MCC: variants seen among roughly 807,000 people sequenced by gnomAD.
MCC encodes the protein MCC regulator of Wnt signaling pathway.
In MCC, 90 loss-of-function variants were observed where a neutral mutation model predicts 116.2. The observed-to-expected ratio is 0.77, with a 90% CI of 0.65 to 0.92. MCC has a LOEUF of 0.92. Ranked by LOEUF, MCC falls within the 40% of genes least tolerant of loss-of-function variation. The pLI is 0.00. For synonymous variants in MCC, 578 were observed against 510.5 expected (o/e 1.13, Z -1.78); for missense variants, 1,516 against 1,312.2 (o/e 1.16, Z -2.40).
At chr5:113,426,989 T>C (rs1241837691) in intron 1 of MCC, among the ~76,000 whole-genome samples, 1 of 152,192 alleles carries the variant, frequency 6.6e-6, no homozygotes, top group Admixed American at 6.5e-5. Context: ...TCTGGAGAAC[T>C]CAAGGTATAT....
intron 1 of MCC, among the ~76,000 whole-genome samples, chr5:113,475,055 C>T (rs1772201988): frequency 6.6e-6 from 1 of 152,134 alleles, no homozygotes; most frequent in Non-Finnish European, 1.5e-5. Context: ...AAAATGCTTC[C>T]CTTCACCCCA....
chr5:113,212,066 G>T (rs1257181897), intron 3 of MCC, among the ~76,000 whole-genome samples: 1 of 152,144 alleles, frequency 6.6e-6, no homozygotes, highest in African/African-American at 2.4e-5. Flanking sequence ...TTATGTATTT[G>T]CAGCTTAGTC....
chr5:113,339,408 A>AGTGTGTGTGTGTGT lies in MCC; in HGVS notation c.627+1097_627+1110dup, dbSNP rs60886614. 1.9e-3 allele frequency among the ~76,000 whole-genome samples: 237 copies of AGTGTGTGTGTGTGT among 123,658 alleles called. 2 individuals carry two copies. The highest frequency in any genetic ancestry group is 6.5e-3 in the African/African-American group (206 of 31,546). 81.1% of individuals were successfully genotyped at this position (123,658 alleles called of 152,430 possible). ...GTCCATATTTTATCTAGGCTTCCTT[A>AGTGTGTGTGTGTGT]GTGTGTGTGTGTGTGTGTGTGTGTG... On this transcript the variant is annotated intron_variant, in intron 3 of 18. Coordinates refer to ENST00000408903, the MANE Select transcript of MCC (RefSeq NM_001085377.2).
chr5:113,414,211 G>C (rs1481422979), intron 1 of MCC, among the ~76,000 whole-genome samples: 1 of 152,184 alleles, frequency 6.6e-6, no homozygotes. Context: ...TTTGGAATAA[G>C]TGCGATTTGG....
At chr5:113,372,941 G>A (rs534045959) in intron 2 of MCC, among the ~76,000 whole-genome samples, 1 of 152,252 alleles carries the variant, frequency 6.6e-6, no homozygotes, top group South Asian at 2.1e-4. Flanking sequence ...CACTTTGGGA[G>A]GCCGAGGCGG....
At chr5:113,251,521 C>A (rs767858409) in intron 3 of MCC, among the ~76,000 whole-genome samples, 3 of 152,148 alleles carry the variant, frequency 2.0e-5, no homozygotes, top group Non-Finnish European at 4.4e-5. Context: ...AGGAGGGCAG[C>A]AGTAAGTTCA....
chr5:113,216,767 CG>C (rs1459475607), intron 3 of MCC, among the ~76,000 whole-genome samples: 1 of 152,172 alleles, frequency 6.6e-6, no homozygotes, highest in African/African-American at 2.4e-5. Context: ...GTAGAAACCC[CG>C]AATAGGGGAT....
intron 8 of MCC, among the ~76,000 whole-genome samples, chr5:113,093,868 G>A (rs1048421452): frequency 2.6e-5 from 4 of 152,160 alleles, no homozygotes; most frequent in Admixed American, 2.6e-4. Context: ...CTGATGATAC[G>A]TAGCAGTACT....
At chr5:113,123,537 T>C (rs916373460) in intron 5 of MCC, among the ~76,000 whole-genome samples, 1 of 152,218 alleles carries the variant, frequency 6.6e-6, no homozygotes, top group African/African-American at 2.4e-5. Flanking sequence ...GTGTTTTATT[T>C]GTATACACAC....
chr5:113,237,509 C>A (rs1304505048), intron 3 of MCC, among the ~76,000 whole-genome samples: 1 of 152,098 alleles, frequency 6.6e-6, no homozygotes, highest in Non-Finnish European at 1.5e-5. Context: ...ATTGGTGCCT[C>A]TGGGATTAGA....
chr5:113,318,501 T>TA (rs1767343219), intron 3 of MCC, among the ~76,000 whole-genome samples: 1 of 152,170 alleles, frequency 6.6e-6, no homozygotes. Flanking sequence ...TATGTAGCCA[T>TA]AAAAAAGAAT....
intron 11 of MCC, 81 bp downstream of exon 11, chr5:113,082,779 T>A: frequency 6.5e-7 from 1 of 1,548,166 alleles, no homozygotes; most frequent in South Asian, 1.2e-5. Flanking sequence ...ATAAGCCACC[T>A]TGAACAGATC....
chr5:113,207,335 T>A (rs1762953408), intron 3 of MCC, among the ~76,000 whole-genome samples: 1 of 152,038 alleles, frequency 6.6e-6, no homozygotes, highest in African/African-American at 2.4e-5. Context: ...CAGAGTCTGG[T>A]TCATGGTAAG....
intron 3 of MCC, among the ~76,000 whole-genome samples, chr5:113,163,414 G>A (rs1477127315): frequency 6.6e-6 from 1 of 152,168 alleles, no homozygotes; most frequent in Non-Finnish European, 1.5e-5. Flanking sequence ...CCACATGTAT[G>A]ACTCATTTCC....
At chr5:113,246,779 C>G (rs1022768929) in intron 3 of MCC, among the ~76,000 whole-genome samples, 1 of 152,218 alleles carries the variant, frequency 6.6e-6, no homozygotes, top group African/African-American at 2.4e-5. Context: ...GCACTCTACT[C>G]TCCTTGTTTA....
rs115648651 is a variant in MCC, at chr5:113,165,517, G to C, written c.628-14095C>G. ...GTAGTGGCATTACTCGCTGCAGATGGGATAGCTAAGGACAATGCAAGGTCT... is the reference window on the plus strand; with the variant it reads ...GTAGTGGCATTACTCGCTGCAGATGCGATAGCTAAGGACAATGCAAGGTCT... On this transcript the variant is annotated intron_variant, in intron 3 of 18. Transcript: ENST00000408903. 7.5e-3 allele frequency among the ~76,000 whole-genome samples: 1,149 copies of C among 152,212 alleles called. 16 individuals are homozygous for C. Among genetic ancestry groups the C allele is most frequent in the African/African-American group, 0.027 (1,104 of 41,540 alleles).
At chr5:113,164,400 C>T (rs1192465033) in intron 3 of MCC, among the ~76,000 whole-genome samples, 1 of 152,190 alleles carries the variant, frequency 6.6e-6, no homozygotes, top group Non-Finnish European at 1.5e-5. Context: ...ATACTCCAAA[C>T]TCTCCAAGTA....
chr5:113,071,543 T>G (rs1310945433), intron 11 of MCC, among the ~76,000 whole-genome samples: 2 of 152,148 alleles, frequency 1.3e-5, no homozygotes, highest in East Asian at 3.9e-4. Context: ...AAGGAGACAG[T>G]TGTGCAACCT....
chr5:113,480,393 T>C (rs1024009844), intron 1 of MCC, among the ~76,000 whole-genome samples: 1 of 152,252 alleles, frequency 6.6e-6, no homozygotes, highest in African/African-American at 2.4e-5. Flanking sequence ...TCAAAACTTC[T>C]AAGATGCACA....
Sources: allele counts gnomAD v4.1 joint callset (sites outside exome capture counted in the v4.1 genomes callset), GRCh38; gene constraint gnomAD v4.1.1; transcripts MANE v1.5; gene names NCBI Gene and HGNC (gene_info 2026-07-23, HGNC 2026-07-21).